ZFR2: variants seen among roughly 807,000 people sequenced by gnomAD.
The protein encoded by ZFR2 is zinc finger RNA binding protein 2, also known as zinc finger RNA-binding protein 2.
ZFR2 carries 104 observed loss-of-function variants against 105.7 expected under a neutral mutation model. The ratio of observed to expected loss-of-function variants is 0.98; its 90% CI spans 0.84 to 1.16. The LOEUF (loss-of-function observed/expected upper bound fraction) is 1.16, where lower values mean the gene tolerates loss of function less well. ZFR2 is among the 50% of genes most tolerant of loss of function. ZFR2 has a pLI of 0.00. For missense variants in ZFR2, 1,425 were observed against 1,355.5 expected (o/e 1.05, Z -0.80); for synonymous variants, 634 against 597.7 (o/e 1.06, Z -0.89).
Position 3,808,978 on chromosome 19 carries a change from C to T in ZFR2, c.2439G>A (p.Met813Ile), listed in dbSNP as rs2037733441. Reference protein sequence around the residue: ...PTWGALPAWAMELLVEKAVSS... With the variant: ...PTWGALPAWAIELLVEKAVSS... The stretch of plus-strand genomic sequence containing the variant: ...TCACAGCCTTCTCCACCAGCAGCTC[C>T]ATGGCCTGGTGGGGACAGAAGAGCA... The change falls in exon 17 of 19, where the codon ATG (methionine) becomes ATA (isoleucine). Residue 813 changes from methionine to isoleucine, a missense_variant. Transcript: ENST00000262961. The T allele has an allele frequency of 6.4e-7, 1 of 1,553,306 alleles. No homozygotes were observed. Among genetic ancestry groups the T allele is most frequent in the African/African-American group, 1.4e-5 (1 of 73,538 alleles).
At position 3,827,626 on chromosome 19, in the gene ZFR2, T is replaced by A. The variant is rs1280947880; in HGVS notation, c.880A>T (p.Lys294Ter). Residue 294 changes from lysine (K) to a stop codon, truncating the protein, a stop_gained, in exon 6 of 19, where the codon AAG becomes TAG. Coordinates refer to ENST00000262961, the MANE Select transcript of ZFR2 (RefSeq NM_015174.2). LOFTEE classifies it high-confidence loss of function. ...TGGGCCGCCTCCTTCTTTCTGTGCT[T>A]CTGCCCTCCCAGATGTTCCCGGTAG... The part of the protein sequence containing the change: ...QTYREHLGGQ[K>*]HRKKEAAQKT... The A allele has an allele frequency of 6.3e-7, 1 of 1,584,256 alleles. No homozygotes were observed. Among genetic ancestry groups the A allele is most frequent in the Admixed American group, 1.8e-5 (1 of 55,916 alleles).
At chr19:3,840,569 G>A (rs747918853) in intron 1 of ZFR2, among the ~76,000 whole-genome samples, 12 of 152,106 alleles carry the variant, frequency 7.9e-5, no homozygotes, top group South Asian at 4.2e-4. Flanking sequence ...TTGCTCTGTC[G>A]CTCAGGCTGG....
At position 3,819,193 on chromosome 19, in the gene ZFR2, A is replaced by G; in HGVS notation, c.1783T>C (p.Cys595Arg). 6.3e-7 allele frequency: 1 copy of G among 1,585,960 alleles called. No individual in the cohort carries two copies. The highest frequency in any genetic ancestry group is 1.1e-5 in the South Asian group (1 of 89,760). ...GTGGGGTAGATGGTGGCGTGCTTGC[A>G]CATGACGTGCCGGTCGTCGCTGGAC... ...PASSDDRHVMCKHATIYPTEQ... is the reference protein window; with the variant it reads ...PASSDDRHVMRKHATIYPTEQ... Residue 595 changes from cysteine (C) to arginine (R), a missense_variant, in exon 12 of 19, where the codon TGC becomes CGC. By Grantham distance (180) the Cys-to-Arg change is radical. Coordinates refer to ENST00000262961, the MANE Select transcript of ZFR2 (RefSeq NM_015174.2).
chr19:3,831,446 G>A lies in ZFR2; in HGVS notation c.709C>T (p.Pro237Ser). Residue 237 changes from proline (P) to serine (S), a missense_variant, in exon 5 of 19, where the codon CCC becomes TCC. Physicochemically the swap from Pro to Ser is moderately conservative, Grantham distance 74. Coordinates refer to ENST00000262961, the MANE Select transcript of ZFR2 (RefSeq NM_015174.2). ...PGPPQQLPPP[P>S]APAGSGSSPR... is the part of the protein sequence containing the mutation. Reference sequence around the variant, plus strand: ...CTGCTTCCTGAGCCTGCAGGCGCGGGCGGCGGGGGCAGCTGCTGCGGGGGT... The same window carrying A: ...CTGCTTCCTGAGCCTGCAGGCGCGGACGGCGGGGGCAGCTGCTGCGGGGGT... 1 of 1,550,610 alleles carries A rather than the reference G, an allele frequency of 6.4e-7. No individual in the cohort carries two copies. Among genetic ancestry groups the A allele is most frequent in the Middle Eastern group, 1.8e-4 (1 of 5,508 alleles).
chr19:3,866,402 AC>A (rs1445941803), intron 1 of ZFR2, among the ~76,000 whole-genome samples: 2 of 149,542 alleles, frequency 1.3e-5, no homozygotes, highest in Non-Finnish European at 3.0e-5. Flanking sequence ...TTGCGTGTAT[AC>A]TGTATCACCT....
intron 13 of ZFR2, among the ~76,000 whole-genome samples, chr19:3,816,243 CTTTTT>C (rs58609703): frequency 8.7e-6 from 1 of 115,088 alleles, no homozygotes; most frequent in Non-Finnish European, 1.7e-5. Context: ...CTTCTTGTAT[CTTTTT>C]TTTTTTTTTT....
intron 16 of ZFR2, 108 bp downstream of exon 16, chr19:3,810,642 C>T (rs1484483396): frequency 2.6e-5 from 29 of 1,111,238 alleles, no homozygotes; most frequent in East Asian, 2.4e-4. Flanking sequence ...CTAGGTCTCC[C>T]GCCGGCTCCT....
intron 5 of ZFR2, among the ~76,000 whole-genome samples, 199 bp downstream of exon 5, chr19:3,831,100 AACAC>A (rs1294286413): frequency 6.6e-6 from 1 of 151,316 alleles, no homozygotes; most frequent in African/African-American, 2.4e-5. Flanking sequence ...CACATGCATA[AACAC>A]ACGCACACAT....
At chr19:3,825,875 G>A (rs2037944195) in intron 6 of ZFR2, among the ~76,000 whole-genome samples, 1 of 152,136 alleles carries the variant, frequency 6.6e-6, no homozygotes, top group African/African-American at 2.4e-5. Context: ...TTCTGGCCGT[G>A]CCCCATTCTC....
Position 3,813,327 on chromosome 19 carries a change from G to A in ZFR2, c.2242+493C>T, listed in dbSNP as rs1047131381. 1.3e-5 allele frequency among the ~76,000 whole-genome samples: 2 copies of A among 152,286 alleles called. No homozygotes were observed. Among genetic ancestry groups the A allele is most frequent in the Non-Finnish European group, 2.9e-5 (2 of 68,020 alleles). Reference sequence around the variant, plus strand: ...CAAGACCCTCGCTGCCCCTAGCCTGGCCCGGCCCCTCACCCACCCTCCCAG... The same window carrying A: ...CAAGACCCTCGCTGCCCCTAGCCTGACCCGGCCCCTCACCCACCCTCCCAG... On this transcript the variant is annotated intron_variant, in intron 14 of 18. Transcript: ENST00000262961. This position sits in a 1 kb window ranked among gnomAD's most constrained non-coding sequence, Gnocchi z 4.4.
chr19:3,865,406 G>A (rs910389283), intron 1 of ZFR2, among the ~76,000 whole-genome samples: 11 of 152,108 alleles, frequency 7.2e-5, no homozygotes, highest in Admixed American at 7.2e-4. Context: ...CTGGAGTCCA[G>A]TGTTGCAATC....
At chr19:3,833,969 C>T (rs1326612737) in intron 2 of ZFR2, among the ~76,000 whole-genome samples, 191 bp from the exon 3 acceptor site, 3 of 152,082 alleles carry the variant, frequency 2.0e-5, no homozygotes, top group African/African-American at 4.8e-5. Context: ...GGGCAGGGGG[C>T]GTGGTTGACA....
At position 3,858,414 on chromosome 19, in the gene ZFR2, A is replaced by AAC. The variant is rs941527415; in HGVS notation, c.53+10549_53+10550dup. The stretch of plus-strand genomic sequence containing the variant: ...ACACTGCATTGAATAACTCAATGGG[A>AAC]ACACACACACACAAAACCCCCCAAA... On this transcript the variant is annotated intron_variant, in intron 1 of 18. Transcript: ENST00000262961. This position sits in a 1 kb window ranked among gnomAD's most constrained non-coding sequence, Gnocchi z 4.3. 6.6e-6 allele frequency among the ~76,000 whole-genome samples: 1 copy of AAC among 152,138 alleles called. No homozygotes were observed. Among genetic ancestry groups the AAC allele is most frequent in the African/African-American group, 2.4e-5 (1 of 41,414 alleles).
chr19:3,805,834 T>C lies in ZFR2; in HGVS notation c.*115A>G. 1 of 1,226,042 alleles carries C rather than the reference T, an allele frequency of 8.2e-7. No homozygotes were observed. Among genetic ancestry groups the C allele is most frequent in the Non-Finnish European group, 1.1e-6 (1 of 921,382 alleles). The allele number at this position is 1,226,042 out of a possible 1,614,324, so 75.9% of individuals were successfully genotyped here. A position where few individuals can be genotyped will look rare whatever the true frequency, so the allele number is the denominator to read the frequency against. ...GTTTTAAAGGAAACCTACAGAGCGT[T>C]ACTCAAAAGGAAATGACCATTGTCC... On this transcript the variant is annotated 3_prime_UTR_variant, in exon 19 of 19. Transcript: ENST00000262961.
rs779802704 is a variant in ZFR2 at position 3,813,810 on chromosome 19, T to G, written c.2242+10A>C. The G allele has an allele frequency of 6.2e-7, 1 of 1,613,392 alleles. No homozygotes were observed. Among genetic ancestry groups the G allele is most frequent in the Non-Finnish European group, 8.5e-7 (1 of 1,179,712 alleles). On this transcript the variant is annotated intron_variant, in intron 14 of 18. Transcript: ENST00000262961. The surrounding 1 kb of genome is among the most constrained non-coding windows in gnomAD (Gnocchi z 4.4). ...GGGGACAGTGGTTGGAAGGAAGGGCTGGGCCGCACCTGGGTCTGTGGAGGG... is the reference window on the plus strand; with the variant it reads ...GGGGACAGTGGTTGGAAGGAAGGGCGGGGCCGCACCTGGGTCTGTGGAGGG...
rs2037792162 is a variant in ZFR2, at chr19:3,813,474, C to G, written c.2242+346G>C. On this transcript the variant is annotated intron_variant, in intron 14 of 18. Transcript: ENST00000262961. The surrounding 1 kb of genome is among the most constrained non-coding windows in gnomAD (Gnocchi z 4.4). Reference sequence around the variant, plus strand: ...CTGCCGTGACCCAGGGGAAATGGCTCAGACCTGTCCTTTGCCGCCAGGGCT... The same window carrying G: ...CTGCCGTGACCCAGGGGAAATGGCTGAGACCTGTCCTTTGCCGCCAGGGCT... 6.6e-6 allele frequency among the ~76,000 whole-genome samples: 1 copy of G among 152,202 alleles called. No homozygotes were observed. Among genetic ancestry groups the G allele is most frequent in the Admixed American group, 6.5e-5 (1 of 15,278 alleles).
chr19:3,807,391 C>A, intron 17 of ZFR2, 122 bp from the exon 18 acceptor site: 1 of 676,310 alleles, frequency 1.5e-6, no homozygotes, highest in Non-Finnish European at 2.5e-6. Flanking sequence ...TACTTGCAGC[C>A]GTGGCACCTC....
At chr19:3,859,098 G>A (rs1209484879) in intron 1 of ZFR2, among the ~76,000 whole-genome samples, 1 of 152,188 alleles carries the variant, frequency 6.6e-6, no homozygotes. Context: ...CCCTCACTCT[G>A]GGTGGGCACC....
At chr19:3,821,243 G>A (rs1023102899) in intron 10 of ZFR2, 97 bp downstream of exon 10, 33 of 1,385,620 alleles carry the variant, frequency 2.4e-5, no homozygotes, top group African/African-American at 1.6e-4. Context: ...GAGCTCACAC[G>A]GAGGAGCTCC....
Sources: gnomAD v4.1 joint callset for allele counts (sites outside exome capture counted in the v4.1 genomes callset) on GRCh38, gnomAD v4.1.1 for gene constraint, Gnocchi (gnomAD v3.1) non-coding constraint, MANE v1.5 for transcripts, NCBI Gene and HGNC (gene_info 2026-07-23, HGNC 2026-07-21) for gene names.